KCNC2: variants seen among roughly 807,000 people sequenced by gnomAD.
KCNC2 encodes the protein potassium voltage-gated channel subfamily C member 2.
KCNC2 carries 21 observed loss-of-function variants against 44.5 expected under a neutral mutation model. The observed-to-expected ratio is 0.47, with a 90% CI of 0.33 to 0.68. The LOEUF (loss-of-function observed/expected upper bound fraction) is 0.68. Among genes scored for constraint, KCNC2 ranks in the 30% least tolerant of loss-of-function variants. The probability of loss-of-function intolerance (pLI) is 0.01; values close to 1 mark genes in which losing one functional copy is unlikely to be tolerated. For missense variants in KCNC2, 589 were observed against 826.2 expected (o/e 0.71, Z 3.52); for synonymous variants, 391 against 339.1 (o/e 1.15, Z -1.68).
At chr12:75,188,062 G>T (rs546320785) in intron 2 of KCNC2, among the ~76,000 whole-genome samples, 1 of 152,096 alleles carries the variant, frequency 6.6e-6, no homozygotes, top group Non-Finnish European at 1.5e-5. Flanking sequence ...GTCCAATAAC[G>T]TTTTGATGAA....
At chr12:75,083,387 T>A (rs1456878627) in intron 2 of KCNC2, among the ~76,000 whole-genome samples, 1 of 151,916 alleles carries the variant, frequency 6.6e-6, no homozygotes, top group African/African-American at 2.4e-5. Context: ...AACTATCCCA[T>A]GTGCATTTAA....
At chr12:75,164,797 C>T (rs1362411578) in intron 2 of KCNC2, among the ~76,000 whole-genome samples, 4 of 151,692 alleles carry the variant, frequency 2.6e-5, no homozygotes, top group Admixed American at 6.6e-5. Flanking sequence ...AATCAAAAAT[C>T]GTTGAACTAA....
chr12:75,048,793 A>G (rs1245401493), intron 3 of KCNC2, among the ~76,000 whole-genome samples: 1 of 152,174 alleles, frequency 6.6e-6, no homozygotes. Context: ...CTTAATAAAA[A>G]TTATTCCAAA....
Position 75,042,564 on chromosome 12 carries a change from C to G in KCNC2, c.*541G>C. The G allele has an allele frequency of 7.2e-7, 1 of 1,389,686 alleles. No individual in the cohort carries two copies. Among genetic ancestry groups the G allele is most frequent in the Non-Finnish European group, 9.3e-7 (1 of 1,075,002 alleles). 86.1% of individuals were successfully genotyped at this position (1,389,686 alleles called of 1,614,324 possible). ...GAACAGTCGACCAATGCTTTCATAT[C>G]AGCAGGATGGTTCGATGCAAGTACA... On this transcript the variant is annotated 3_prime_UTR_variant, in exon 5 of 5. Coordinates refer to ENST00000549446, the MANE Select transcript of KCNC2 (RefSeq NM_139137.4).
Position 75,076,038 on chromosome 12 carries a change from T to TACACACAC in KCNC2, c.688-24729_688-24722dup, listed in dbSNP as rs71078709. ...GGCTTAATGCCTTATTAATGTTACA[T>TACACACAC]ACACACACACACACACACACACACA... On this transcript the variant is annotated intron_variant, in intron 2 of 4. Coordinates refer to ENST00000549446, the MANE Select transcript of KCNC2 (RefSeq NM_139137.4). 7.1e-3 allele frequency among the ~76,000 whole-genome samples: 997 copies of TACACACAC among 141,328 alleles called. 9 individuals are homozygous for TACACACAC. The highest frequency in any genetic ancestry group is 0.026 in the East Asian group (125 of 4,726). 92.7% of individuals were successfully genotyped at this position (141,328 alleles called of 152,430 possible). A position where few individuals can be genotyped will look rare whatever the true frequency, so the allele number is the denominator to read the frequency against.
intron 2 of KCNC2, among the ~76,000 whole-genome samples, chr12:75,145,105 A>T (rs1385099927): frequency 6.6e-6 from 1 of 152,178 alleles, no homozygotes; most frequent in Non-Finnish European, 1.5e-5. Flanking sequence ...TCTGTGTGCC[A>T]GTTATAAATT....
chr12:75,207,871 G>T lies in KCNC2; in HGVS notation c.113C>A (p.Ala38Asp). The part of the protein sequence containing the change: ...TLPGTRLALL[A>D]SSEPPGDCLT... ...GCAGTCGCCTGGGGGCTCGGAGGAG[G>T]CAAGAAGGGCCAGGCGTGTTCCAGG... Residue 38 changes from alanine to aspartate, a missense_variant, in exon 2 of 5, where the codon GCC (alanine) becomes GAC (aspartate). This residue lies in a region of KCNC2 where 148 missense variants were observed against 140.1 expected (regional missense o/e 1.06). Coordinates refer to ENST00000549446, the MANE Select transcript of KCNC2 (RefSeq NM_139137.4). The surrounding 1 kb of genome is among the most constrained non-coding windows in gnomAD (Gnocchi z 4.1). 1 of 1,612,352 alleles carries T rather than the reference G, an allele frequency of 6.2e-7. No individual in the cohort carries two copies.
intron 2 of KCNC2, among the ~76,000 whole-genome samples, chr12:75,076,222 A>G (rs1361098277): frequency 1.3e-5 from 2 of 152,088 alleles, no homozygotes; most frequent in Admixed American, 6.6e-5. Flanking sequence ...TTATGCCAGA[A>G]TTTGTTCTTG....
At chr12:75,151,874 C>T (rs1890418939) in intron 2 of KCNC2, among the ~76,000 whole-genome samples, 1 of 144,404 alleles carries the variant, frequency 6.9e-6, no homozygotes, top group South Asian at 2.2e-4. Context: ...TGAGATATTA[C>T]CTAGAATGTA....
At chr12:75,132,979 T>C (rs912749105) in intron 2 of KCNC2, among the ~76,000 whole-genome samples, 4 of 152,034 alleles carry the variant, frequency 2.6e-5, no homozygotes, top group African/African-American at 9.7e-5. Context: ...GTTGATGAAT[T>C]AGCGTGCAAG....
intron 2 of KCNC2, among the ~76,000 whole-genome samples, chr12:75,151,910 AAT>A (rs1020063645): frequency 1.4e-5 from 2 of 139,232 alleles, no homozygotes; most frequent in Non-Finnish European, 3.0e-5. Flanking sequence ...GAGAAAGTCT[AAT>A]ATATATATAT....
intron 2 of KCNC2, among the ~76,000 whole-genome samples, chr12:75,097,508 C>A (rs1323540477): frequency 6.6e-6 from 1 of 152,110 alleles, no homozygotes; most frequent in South Asian, 2.1e-4. Flanking sequence ...AACATAAAGG[C>A]ATATATAATA....
chr12:75,040,992 G>A lies in KCNC2; in HGVS notation c.*2113C>T. 2.5e-6 allele frequency: 2 copies of A among 786,978 alleles called. No homozygotes were observed. The highest frequency in any genetic ancestry group is 1.5e-5 in the South Asian group (1 of 66,318). The allele number at this position is 786,978 out of a possible 1,614,324, so 48.7% of individuals were successfully genotyped here. A position where few individuals can be genotyped will look rare whatever the true frequency, so the allele number is the denominator to read the frequency against. Reference sequence around the variant, plus strand: ...GGACACTGGCCAGTCTACAAGCAGAGCACTCTCATGGGGAGCACCAGATGA... The same window carrying A: ...GGACACTGGCCAGTCTACAAGCAGAACACTCTCATGGGGAGCACCAGATGA... On this transcript the variant is annotated 3_prime_UTR_variant, in exon 5 of 5. Transcript: ENST00000549446.
intron 2 of KCNC2, among the ~76,000 whole-genome samples, chr12:75,188,814 A>G (rs916146873): frequency 2.0e-5 from 3 of 151,918 alleles, no homozygotes; most frequent in Non-Finnish European, 4.4e-5. Context: ...AACCGAGATC[A>G]TGCCACTGCA....
rs1404068585 is a variant in KCNC2, at chr12:75,051,108, G to A, written c.897C>T (p.Val299=). ...GTTTATTGGGTGAAAAAACAATACG[G>A]ACTAAAAATTCAAAAGTAAACCACA... ...CVVWFTFEFL[V]RIVFSPNKLE... is the part of the protein sequence containing the mutation. Residue 299 remains valine, a synonymous_variant, in exon 3 of 5, where the codon GTC becomes GTT. Coordinates refer to ENST00000549446, the MANE Select transcript of KCNC2 (RefSeq NM_139137.4). 2 of 1,613,286 alleles carry A rather than the reference G, an allele frequency of 1.2e-6. No homozygotes were observed. The highest frequency in any genetic ancestry group is 1.1e-5 in the South Asian group (1 of 91,058).
intron 2 of KCNC2, among the ~76,000 whole-genome samples, chr12:75,157,619 A>G (rs971049386): frequency 1.3e-5 from 2 of 151,930 alleles, no homozygotes; most frequent in African/African-American, 4.8e-5. Flanking sequence ...CCTGAGTAAC[A>G]TCATATAATC....
intron 2 of KCNC2, among the ~76,000 whole-genome samples, chr12:75,115,332 C>T (rs1036820668): frequency 3.3e-5 from 5 of 152,172 alleles, no homozygotes; most frequent in African/African-American, 1.2e-4. Flanking sequence ...CTTCACGATA[C>T]TTCTATGAGG....
intron 2 of KCNC2, among the ~76,000 whole-genome samples, chr12:75,150,121 A>G (rs983955967): frequency 8.6e-5 from 13 of 151,882 alleles, no homozygotes; most frequent in African/African-American, 3.1e-4. Context: ...CATTTCTACT[A>G]AATACATATT....
In KCNC2 at chr12:75,042,949, C is replaced by T; in HGVS notation, c.*156G>A. ...GCCTGGGTAAGATTCATTAGCTACC[C>T]AAGTGGCATTTCTGACTTCAAATTG... On this transcript the variant is annotated 3_prime_UTR_variant, in exon 5 of 5. Coordinates refer to ENST00000549446, the MANE Select transcript of KCNC2 (RefSeq NM_139137.4). 1 of 1,409,190 alleles carries T rather than the reference C, an allele frequency of 7.1e-7. No homozygotes were observed. Among genetic ancestry groups the T allele is most frequent in the South Asian group, 1.7e-5 (1 of 60,520 alleles). The allele number at this position is 1,409,190 out of a possible 1,614,324, so 87.3% of individuals were successfully genotyped here.
Sources: gnomAD v4.1 joint callset for allele counts (sites outside exome capture counted in the v4.1 genomes callset) on GRCh38, gnomAD v4.1.1 for gene constraint, gnomAD v4.1.1 regional missense constraint, Gnocchi (gnomAD v3.1) non-coding constraint, MANE v1.5 for transcripts, NCBI Gene and HGNC (gene_info 2026-07-23, HGNC 2026-07-21) for gene names.